ANKHD1: variants seen among roughly 807,000 people sequenced by gnomAD.
The protein encoded by ANKHD1 is ankyrin repeat and KH domain containing 1.
Under a neutral mutation model 230.5 loss-of-function variants are expected in ANKHD1, and 31 were observed. The observed-to-expected ratio is 0.13, with a 90% CI of 0.10 to 0.18. The LOEUF is 0.18. ANKHD1 is among the 10% of genes least tolerant of loss of function. ANKHD1 has a pLI of 1.00. For synonymous variants in ANKHD1, 1,074 were observed against 1,117.6 expected, an observed-to-expected ratio of 0.96 and a Z score of 0.78; for missense variants, 2,256 against 3,071.3, an observed-to-expected ratio of 0.73 and a Z score of 6.27.
At chr5:140,477,999 C>G (rs1043317178) in intron 10 of ANKHD1, among the ~76,000 whole-genome samples, 6 of 152,114 alleles carry the variant, frequency 3.9e-5, no homozygotes, top group African/African-American at 1.4e-4. Context: ...CACACCAAAA[C>G]TTGGGTAGGG....
At chr5:140,491,099 TATATATATACACACACACAC>T (rs1244516718) in intron 14 of ANKHD1, among the ~76,000 whole-genome samples, 2 of 126,124 alleles carry the variant, frequency 1.6e-5, no homozygotes, top group African/African-American at 5.8e-5. Context: ...TGTGTATATA[TATATATATACACACACACAC>T]ATATATATAT....
In ANKHD1 at chr5:140,529,666, T is replaced by C. The variant is rs771095256; in HGVS notation, c.6720T>C (p.Asp2240=). ...DGPLSSRVAT[D]ASFTVQSAFL... is the part of the protein sequence containing the mutation. ...CACTGTCCTCACGAGTTGCTACAGATGCCTCTTTCACTGTTCAGTCAGCGT... is the reference window on the plus strand; with the variant it reads ...CACTGTCCTCACGAGTTGCTACAGACGCCTCTTTCACTGTTCAGTCAGCGT... Residue 2240 remains aspartate (D), a synonymous_variant, in exon 29 of 34, where the codon GAT becomes GAC. Coordinates refer to ENST00000360839, the MANE Select transcript of ANKHD1 (RefSeq NM_017747.3). 1 of 1,614,252 alleles carries C rather than the reference T, an allele frequency of 6.2e-7. No individual in the cohort carries two copies. Among genetic ancestry groups the C allele is most frequent in the Non-Finnish European group, 8.5e-7 (1 of 1,180,046 alleles).
chr5:140,482,682 A>G lies in ANKHD1; in HGVS notation c.1870+15A>G, dbSNP rs1751336611. 1.2e-6 allele frequency: 2 copies of G among 1,609,638 alleles called. No homozygotes were observed. On this transcript the variant is annotated intron_variant, in intron 11 of 33. Transcript: ENST00000360839. Reference sequence around the variant, plus strand: ...TATTAGCAAAGGTAAAGAAAGGGCAAGTGATCATTTCCAAGAGGCTACAGT... The same window carrying G: ...TATTAGCAAAGGTAAAGAAAGGGCAGGTGATCATTTCCAAGAGGCTACAGT...
chr5:140,502,122 T>C (rs1306093014), intron 15 of ANKHD1, among the ~76,000 whole-genome samples: 1 of 152,180 alleles, frequency 6.6e-6, no homozygotes, highest in African/African-American at 2.4e-5. Flanking sequence ...CTTGGTCACT[T>C]TCAGAGATAT....
At chr5:140,536,490 T>C (rs556993731) in intron 30 of ANKHD1, among the ~76,000 whole-genome samples, 5 of 152,346 alleles carry the variant, frequency 3.3e-5, no homozygotes, top group African/African-American at 9.6e-5. Flanking sequence ...CATGAGGTAG[T>C]CAGTGAGTAT....
intron 1 of ANKHD1, among the ~76,000 whole-genome samples, chr5:140,403,829 TTC>T (rs2126829897): frequency 6.6e-6 from 1 of 152,336 alleles, no homozygotes; most frequent in South Asian, 2.1e-4. Context: ...GTACAGGAAT[TTC>T]TCTGTGTGTA....
At chr5:140,418,190 C>G (rs1446853962) in intron 1 of ANKHD1, among the ~76,000 whole-genome samples, 1 of 146,202 alleles carries the variant, frequency 6.8e-6, no homozygotes, top group African/African-American at 2.6e-5. Context: ...TGTCACCTAA[C>G]CTGGAGTTAA....
intron 9 of ANKHD1, 27 bp downstream of exon 9, chr5:140,459,382 C>G: frequency 6.6e-7 from 1 of 1,512,896 alleles, no homozygotes. Context: ...TGCCTTATTG[C>G]TCAGAAAGAC....
At chr5:140,460,722 C>G (rs541474988) in intron 9 of ANKHD1, among the ~76,000 whole-genome samples, 2 of 151,938 alleles carry the variant, frequency 1.3e-5, no homozygotes, top group African/African-American at 4.8e-5. Context: ...GATTTTGCCA[C>G]GTTCCTGAGG....
At position 140,507,896 on chromosome 5, in the gene ANKHD1, G is replaced by A. The variant is rs1197249334; in HGVS notation, c.3663G>A (p.Glu1221=). The A allele has an allele frequency of 1.2e-6, 2 of 1,613,958 alleles. No individual in the cohort carries two copies. Among genetic ancestry groups the A allele is most frequent in the Non-Finnish European group, 1.7e-6 (2 of 1,180,030 alleles). Residue 1221 remains glutamate, a synonymous_variant, in exon 20 of 34, where the codon GAG becomes GAA. Coordinates refer to ENST00000360839, the MANE Select transcript of ANKHD1 (RefSeq NM_017747.3). The surrounding 1 kb of genome is among the most constrained non-coding windows in gnomAD (Gnocchi z 4.1). ...GTTCAGACATTAATGCCCAAATAGAGACCAATCGGAACACGGCTCTCACCC... is the reference window on the plus strand; with the variant it reads ...GTTCAGACATTAATGCCCAAATAGAAACCAATCGGAACACGGCTCTCACCC... ...DMGSDINAQI[E]TNRNTALTLA...
At chr5:140,419,824 TTCTTTCTTTCTTTTTC>T (rs1771776587) in intron 1 of ANKHD1, among the ~76,000 whole-genome samples, 2 of 125,660 alleles carry the variant, frequency 1.6e-5, no homozygotes, top group South Asian at 2.6e-4. Flanking sequence ...CTTTCTTTCT[TTCTTTCTTTCTTTTTC>T]TTTCTCTTTC....
chr5:140,476,566 A>G (rs535075389), intron 10 of ANKHD1, among the ~76,000 whole-genome samples: 6 of 152,280 alleles, frequency 3.9e-5, no homozygotes, highest in Admixed American at 1.3e-4. Context: ...AAATACCAAG[A>G]TAAAATAACA....
chr5:140,435,750 G>T (rs928945200), intron 1 of ANKHD1, among the ~76,000 whole-genome samples: 1 of 151,894 alleles, frequency 6.6e-6, no homozygotes, highest in African/African-American at 2.4e-5. Flanking sequence ...GCCCAGGCTG[G>T]TGTCAAACTC....
chr5:140,450,656 C>T (rs2126944413), intron 7 of ANKHD1, among the ~76,000 whole-genome samples: 1 of 152,280 alleles, frequency 6.6e-6, no homozygotes, highest in African/African-American at 2.4e-5. Context: ...CCTCTCGCCT[C>T]AGCTTCCTGA....
chr5:140,439,488 G>A (rs570983913), intron 3 of ANKHD1, among the ~76,000 whole-genome samples: 3 of 152,058 alleles, frequency 2.0e-5, no homozygotes, highest in Non-Finnish European at 4.4e-5. Context: ...TGGACAACAT[G>A]GTGAAAACGC....
In ANKHD1 at chr5:140,537,609, T is replaced by C; in HGVS notation, c.7228+20T>C. ...TGTCAGGTACAATTGCCTTGCTCTC[T>C]CTCTGGAGGGATATCTTAAGTAAGC... On this transcript the variant is annotated intron_variant, in intron 31 of 33. Transcript: ENST00000360839. 1 of 1,517,934 alleles carries C rather than the reference T, an allele frequency of 6.6e-7. No homozygotes were observed. Among genetic ancestry groups the C allele is most frequent in the Non-Finnish European group, 8.8e-7 (1 of 1,134,452 alleles). 94.0% of individuals were successfully genotyped at this position (1,517,934 alleles called of 1,614,324 possible).
chr5:140,432,222 T>C (rs1408716213), intron 1 of ANKHD1, among the ~76,000 whole-genome samples: 2 of 152,214 alleles, frequency 1.3e-5, no homozygotes, highest in South Asian at 2.1e-4. Flanking sequence ...AAAAAGAAAC[T>C]TCAGACTCAC....
intron 1 of ANKHD1, among the ~76,000 whole-genome samples, chr5:140,428,600 T>A (rs1772749304): frequency 2.0e-5 from 3 of 151,670 alleles, no homozygotes. Context: ...AGTCCAGCTT[T>A]GGCTCGGCAT....
chr5:140,419,214 A>G (rs1225453366), intron 1 of ANKHD1, among the ~76,000 whole-genome samples: 1 of 151,554 alleles, frequency 6.6e-6, no homozygotes. Context: ...GCATTTCCCT[A>G]ATGATTAATG....
Sources: gnomAD v4.1 joint callset for allele counts (sites outside exome capture counted in the v4.1 genomes callset) on GRCh38, gnomAD v4.1.1 for gene constraint, Gnocchi (gnomAD v3.1) non-coding constraint, MANE v1.5 for transcripts, NCBI Gene and HGNC (gene_info 2026-07-23, HGNC 2026-07-21) for gene names.